HOXC5: variants seen among roughly 807,000 people sequenced by gnomAD.
HOXC5 encodes the protein homeobox protein Hox-C5.
In HOXC5, 19 loss-of-function variants were observed where a neutral mutation model predicts 20.1. The observed-to-expected ratio is 0.94, with a 90% confidence interval of 0.66 to 1.38. The LOEUF (loss-of-function observed/expected upper bound fraction) is 1.38. HOXC5 is among the 40% of genes most tolerant of loss of function. HOXC5 has a pLI of 0.00. For synonymous variants in HOXC5, 124 were observed against 117.0 expected, an observed-to-expected ratio of 1.06 and a Z score of -0.39; for missense variants, 330 against 300.1, an observed-to-expected ratio of 1.10 and a Z score of -0.74.
intron 1 of HOXC5, chr12:54,034,039 A>AC (rs768247704): frequency 2.9e-5 from 20 of 691,458 alleles, no homozygotes; most frequent in African/African-American, 1.3e-4. Context: ...CTTCCCCCCA[A>AC]CCCCCCCTCA....
the HOXC5 span, among the ~76,000 whole-genome samples, chr12:54,024,344 T>G: frequency 1.3e-5 from 2 of 151,902 alleles, no homozygotes; most frequent in Admixed American, 1.3e-4. Flanking sequence ...AGTGCTTGGG[T>G]CCCCGAGCAG....
chr12:54,029,013 T>C, upstream of HOXC5: 1 of 1,268,234 alleles, frequency 7.9e-7, no homozygotes, highest in East Asian at 2.4e-5. Context: ...GAGTTTTTTA[T>C]GGCCCCATAA....
the HOXC5 span, among the ~76,000 whole-genome samples, chr12:54,026,282 T>G: frequency 2.6e-5 from 4 of 152,086 alleles, no homozygotes; most frequent in African/African-American, 7.2e-5. Flanking sequence ...CCTGCCTTGT[T>G]GTCTCTCCCC....
chr12:54,032,319 T>C (rs1052696748), upstream of HOXC5, among the ~76,000 whole-genome samples: 7 of 152,224 alleles, frequency 4.6e-5, no homozygotes, highest in Admixed American at 2.0e-4. Context: ...TCAGGATCCC[T>C]CCTCCTGGGC....
At position 54,034,610 on chromosome 12, in the gene HOXC5, C is replaced by G; in HGVS notation, c.*118C>G. On this transcript the variant is annotated 3_prime_UTR_variant, in exon 2 of 2. Coordinates refer to ENST00000312492, the MANE Select transcript of HOXC5 (RefSeq NM_018953.4). ...GGGCAGGTGCTGGAGCACTGGGCTC[C>G]CGGGCCCCACAGACAAAAGCGCTTT... The G allele has an allele frequency of 1.2e-6, 1 of 803,990 alleles. No homozygotes were observed. The highest frequency in any genetic ancestry group is 1.8e-5 in the South Asian group (1 of 56,306). The allele number at this position is 803,990 out of a possible 1,614,324, so 49.8% of individuals were successfully genotyped here.
At chr12:54,025,529 G>GTT in the HOXC5 span, among the ~76,000 whole-genome samples, 3 of 36,838 alleles carry the variant, frequency 8.1e-5, no homozygotes, top group African/African-American at 2.6e-4. Context: ...AAGGTAATTG[G>GTT]GGGGGGGGGA....
chr12:54,025,914 C>T, the HOXC5 span, among the ~76,000 whole-genome samples: 1 of 151,962 alleles, frequency 6.6e-6, no homozygotes, highest in African/African-American at 2.4e-5. Context: ...CCCCAGAAGC[C>T]CCTTCTTTCT....
chr12:54,020,755 G>C, the HOXC5 span: 1 of 152,208 alleles, frequency 6.6e-6, no homozygotes, highest in African/African-American at 2.4e-5. Context: ...TGCTCTGCTG[G>C]AAATATGTGC....
chr12:54,032,235 C>T (rs1941011999), upstream of HOXC5, among the ~76,000 whole-genome samples: 1 of 152,168 alleles, frequency 6.6e-6, no homozygotes, highest in Non-Finnish European at 1.5e-5. Flanking sequence ...CCACCTGGCT[C>T]CTCACCTCCA....
At chr12:54,031,248 CG>C (rs1011538897), upstream of HOXC5, among the ~76,000 whole-genome samples, 3 of 152,176 alleles carry the variant, frequency 2.0e-5, no homozygotes, top group African/African-American at 7.2e-5. Context: ...GAGTTGGAGG[CG>C]GGGGGCGCCG....
upstream of HOXC5, chr12:54,032,920 C>G: frequency 1.9e-6 from 1 of 525,686 alleles, no homozygotes; most frequent in Non-Finnish European, 3.3e-6. Context: ...CGGAGGTCAT[C>G]AAGCCAAATT....
At chr12:54,026,249 C>A in the HOXC5 span, among the ~76,000 whole-genome samples, 1 of 152,110 alleles carries the variant, frequency 6.6e-6, no homozygotes, top group Non-Finnish European at 1.5e-5. Flanking sequence ...TGACTTGTTC[C>A]CTAGCTCAGT....
upstream of HOXC5, chr12:54,029,809 C>T: frequency 6.2e-7 from 1 of 1,613,958 alleles, no homozygotes; most frequent in Admixed American, 1.7e-5. Flanking sequence ...AGCGACAGAT[C>T]AAAATCTGGT....
At chr12:54,028,267 ATT>A (rs926541390), upstream of HOXC5, 59 of 75,626 alleles carry the variant, frequency 7.8e-4, no homozygotes, top group African/African-American at 2.0e-3. Flanking sequence ...ATATATATAT[ATT>A]TTTTAAAAGA....
At chr12:54,027,571 T>C in the HOXC5 span, among the ~76,000 whole-genome samples, 1 of 152,216 alleles carries the variant, frequency 6.6e-6, no homozygotes, top group Admixed American at 6.5e-5. Context: ...CTCTCTCTCT[T>C]TCTCTCTGTC....
chr12:54,033,966 G>A (rs768662802), intron 1 of HOXC5: 2 of 538,794 alleles, frequency 3.7e-6, no homozygotes, highest in Non-Finnish European at 7.1e-6. Context: ...AGGGGCGGGA[G>A]GGGGGTCCCC....
At chr12:54,023,666 CT>C in the HOXC5 span, among the ~76,000 whole-genome samples, 1 of 152,196 alleles carries the variant, frequency 6.6e-6, no homozygotes, top group Admixed American at 6.5e-5. Context: ...AGCCCGGGCC[CT>C]GTCCCCAAAA....
upstream of HOXC5, among the ~76,000 whole-genome samples, chr12:54,031,511 G>A (rs956589862): frequency 1.3e-5 from 2 of 152,208 alleles, no homozygotes; most frequent in African/African-American, 4.8e-5. Context: ...TCCTCAAACG[G>A]GTGAAGAGGC....
chr12:54,029,509 G>A (rs142908535), upstream of HOXC5: 226 of 776,488 alleles, frequency 2.9e-4, 1 homozygote, highest in East Asian at 5.5e-3. Context: ...GTGGGGGTGG[G>A]GCAAGGCAAA....
Sources: allele counts gnomAD v4.1 joint callset (sites outside exome capture counted in the v4.1 genomes callset), GRCh38; gene constraint gnomAD v4.1.1; transcripts MANE v1.5; gene names NCBI Gene and HGNC (gene_info 2026-07-23, HGNC 2026-07-21).